The following NELL1 variants were observed in gnomAD, a reference collection of about 807,000 sequenced individuals.
The protein encoded by NELL1 is neural EGFL like 1.
In NELL1, 76 loss-of-function variants were observed where a neutral mutation model predicts 107.4. The ratio of observed to expected loss-of-function variants is 0.71; its 90% confidence interval spans 0.59 to 0.86. The LOEUF (loss-of-function observed/expected upper bound fraction) is 0.86. Ranked by LOEUF, NELL1 falls within the 40% of genes least tolerant of loss-of-function variation. The probability of loss-of-function intolerance (pLI) is 0.00; values close to 1 mark genes in which losing one functional copy is unlikely to be tolerated. For missense variants in NELL1, 1,024 were observed against 1,005.5 expected (o/e 1.02, Z -0.25); for synonymous variants, 353 against 341.2 (o/e 1.03, Z -0.38).
chr11:20,915,717 A>ATTTTTTT (rs67447563), intron 5 of NELL1, among the ~76,000 whole-genome samples: 3 of 58,222 alleles, frequency 5.2e-5, no homozygotes, highest in African/African-American at 2.7e-4. Flanking sequence ...ATATATATAT[A>ATTTTTTT]TTTTTTTTTT....
At chr11:20,900,051 A>G (rs1481481848) in intron 5 of NELL1, among the ~76,000 whole-genome samples, 1 of 152,154 alleles carries the variant, frequency 6.6e-6, no homozygotes, top group Non-Finnish European at 1.5e-5. Context: ...TGCATTAGCA[A>G]TTTGAGCTGG....
At chr11:21,511,212 T>C (rs1476618202) in intron 15 of NELL1, among the ~76,000 whole-genome samples, 1 of 152,232 alleles carries the variant, frequency 6.6e-6, no homozygotes, top group African/African-American at 2.4e-5. Context: ...AAATATATAA[T>C]GTAATAATAC....
intron 12 of NELL1, among the ~76,000 whole-genome samples, chr11:21,100,163 T>C (rs978481036): frequency 6.6e-6 from 1 of 151,972 alleles, no homozygotes; most frequent in Non-Finnish European, 1.5e-5. Context: ...ATTAGAGACA[T>C]GCAGCACCAC....
At chr11:21,378,387 G>T (rs576077693) in intron 15 of NELL1, among the ~76,000 whole-genome samples, 1 of 151,492 alleles carries the variant, frequency 6.6e-6, no homozygotes, top group Non-Finnish European at 1.5e-5. Flanking sequence ...ATTTTTAGAA[G>T]TACTTAGGGT....
intron 13 of NELL1, among the ~76,000 whole-genome samples, chr11:21,119,394 A>AT (rs1855311264): frequency 6.6e-6 from 1 of 151,856 alleles, no homozygotes; most frequent in African/African-American, 2.4e-5. Context: ...TTGAAAAAAA[A>AT]AAAAAAAGGA....
At chr11:21,211,204 T>C (rs1399451927) in intron 13 of NELL1, among the ~76,000 whole-genome samples, 1 of 152,168 alleles carries the variant, frequency 6.6e-6, no homozygotes, top group Non-Finnish European at 1.5e-5. Context: ...ATTGCCTCAC[T>C]CAAGGAAATT....
At chr11:20,755,865 GTTTTTTTTT>G (rs574606148) in intron 2 of NELL1, among the ~76,000 whole-genome samples, 64 of 122,054 alleles carry the variant, frequency 5.2e-4, no homozygotes, top group African/African-American at 1.8e-3. Context: ...CAGACCTGCG[GTTTTTTTTT>G]TTTTTTTTTT....
intron 13 of NELL1, among the ~76,000 whole-genome samples, chr11:21,188,546 C>A (rs1453983): frequency 0.64 from 96,417 of 151,478 alleles, 32,394 homozygotes; most frequent in Non-Finnish European, 0.74. Context: ...CCCTTAAGTC[C>A]ACAAGGCTGT....
chr11:20,736,787 C>T (rs1407119257), intron 2 of NELL1, among the ~76,000 whole-genome samples: 2 of 146,926 alleles, frequency 1.4e-5, no homozygotes, highest in African/African-American at 5.0e-5. Flanking sequence ...CAGAGTCTTG[C>T]TCTGTCACCC....
chr11:21,146,578 C>T (rs1013479506), intron 13 of NELL1, among the ~76,000 whole-genome samples: 1 of 152,196 alleles, frequency 6.6e-6, no homozygotes, highest in Non-Finnish European at 1.5e-5. Context: ...TGCCCTTTAT[C>T]TGGAAGCCAG....
chr11:21,211,272 A>G (rs1857491372), intron 13 of NELL1, among the ~76,000 whole-genome samples: 1 of 152,098 alleles, frequency 6.6e-6, no homozygotes, highest in Non-Finnish European at 1.5e-5. Context: ...ATAAGCGGAT[A>G]TTACGTAGGA....
chr11:21,150,937 T>G (rs1856101140), intron 13 of NELL1, among the ~76,000 whole-genome samples: 1 of 152,042 alleles, frequency 6.6e-6, no homozygotes, highest in South Asian at 2.1e-4. Flanking sequence ...AGCACCTTCT[T>G]CACATGGTGA....
At chr11:20,686,324 G>A (rs528619429) in intron 2 of NELL1, among the ~76,000 whole-genome samples, 2 of 152,172 alleles carry the variant, frequency 1.3e-5, no homozygotes, top group African/African-American at 4.8e-5. Context: ...AGTTATCTTT[G>A]TTACTGCTGT....
At chr11:21,175,471 T>C (rs10833473) in intron 13 of NELL1, among the ~76,000 whole-genome samples, 44,880 of 151,716 alleles carry the variant, frequency 0.3, 7,031 homozygotes, top group Middle Eastern at 0.37. Flanking sequence ...CCTGTTGTTA[T>C]TCAAATTCAT....
chr11:20,736,958 T>C (rs560092166), intron 2 of NELL1, among the ~76,000 whole-genome samples: 2 of 152,206 alleles, frequency 1.3e-5, no homozygotes, highest in East Asian at 3.9e-4. Flanking sequence ...TTTCACCATG[T>C]TGTCCAGGCT....
intron 2 of NELL1, among the ~76,000 whole-genome samples, chr11:20,775,843 A>G (rs959747889): frequency 1.3e-5 from 2 of 152,218 alleles, no homozygotes; most frequent in African/African-American, 4.8e-5. Flanking sequence ...GGTTAATACC[A>G]TGTGTCACAG....
intron 2 of NELL1, among the ~76,000 whole-genome samples, chr11:20,736,258 C>T (rs558604594): frequency 5.3e-5 from 8 of 152,094 alleles, no homozygotes; most frequent in Non-Finnish European, 8.8e-5. Context: ...GCTCTCCAAA[C>T]ACTCACGGTG....
intron 11 of NELL1, among the ~76,000 whole-genome samples, chr11:20,957,553 C>G (rs868568054): frequency 6.6e-6 from 1 of 152,008 alleles, no homozygotes; most frequent in Non-Finnish European, 1.5e-5. Context: ...TGCTATTCAG[C>G]ATAAACAACA....
At chr11:20,689,813 G>A (rs1292067383) in intron 2 of NELL1, among the ~76,000 whole-genome samples, 6 of 151,542 alleles carry the variant, frequency 4.0e-5, no homozygotes, top group Non-Finnish European at 8.8e-5. Context: ...TAATGGGATG[G>A]CTGGGTCAAA....
Sources: gnomAD v4.1 joint callset for allele counts (sites outside exome capture counted in the v4.1 genomes callset) on GRCh38, gnomAD v4.1.1 for gene constraint, MANE v1.5 for transcripts, NCBI Gene and HGNC (gene_info 2026-07-23, HGNC 2026-07-21) for gene names.